The following NREP variants were observed in gnomAD, a reference collection of about 807,000 sequenced individuals.
NREP encodes neuronal regeneration related protein.
In NREP, 5 loss-of-function variants were observed where a neutral mutation model predicts 8.6. That is an observed-to-expected ratio of 0.58 (90% CI 0.30 to 1.22). NREP has a LOEUF of 1.22. Among genes scored for constraint, NREP ranks in the 50% most tolerant of loss-of-function variants. The pLI is 0.07. For synonymous variants in NREP, 27 were observed against 28.0 expected (o/e 0.96, Z 0.11); for missense variants, 86 against 82.5 (o/e 1.04, Z -0.17).
chr5:111,976,598 A>G, intron 1 of NREP: 2 of 801,146 alleles, frequency 2.5e-6, no homozygotes, highest in South Asian at 3.6e-5. Context: ...AAGCAAAATG[A>G]ACAAGGTTAA....
intron 2 of NREP, among the ~76,000 whole-genome samples, chr5:111,906,955 G>T (rs191974501): frequency 6.6e-6 from 1 of 151,916 alleles, no homozygotes; most frequent in Admixed American, 6.6e-5. Context: ...TTCTTATAGA[G>T]ACAGAGTTTC....
chr5:111,740,655 A>G (rs918810187), intron 2 of NREP, among the ~76,000 whole-genome samples: 14 of 152,196 alleles, frequency 9.2e-5, no homozygotes, highest in African/African-American at 3.4e-4. Flanking sequence ...CAGTCCCCCA[A>G]GGTCCTAAAA....
chr5:111,954,247 C>G (rs1426689960), intron 2 of NREP, among the ~76,000 whole-genome samples: 1 of 151,974 alleles, frequency 6.6e-6, no homozygotes, highest in Non-Finnish European at 1.5e-5. Flanking sequence ...ATTTTATGCC[C>G]ATATCCAGAG....
chr5:111,808,513 C>T (rs1019755573), intron 2 of NREP, among the ~76,000 whole-genome samples: 5 of 152,166 alleles, frequency 3.3e-5, no homozygotes, highest in African/African-American at 1.2e-4. Context: ...CAATCCTAAC[C>T]TTTCTTTCAA....
At chr5:111,742,077 G>C (rs2112816874) in intron 2 of NREP, among the ~76,000 whole-genome samples, 1 of 152,248 alleles carries the variant, frequency 6.6e-6, no homozygotes, top group Middle Eastern at 3.4e-3. Context: ...GGAAGACAAT[G>C]ATGGCTCACT....
At chr5:111,925,890 A>G (rs1561350086) in intron 2 of NREP, among the ~76,000 whole-genome samples, 1 of 152,200 alleles carries the variant, frequency 6.6e-6, no homozygotes, top group Non-Finnish European at 1.5e-5. Context: ...TGGTTGTTCT[A>G]TAATTTCCTC....
chr5:111,938,854 T>C (rs1376982579), intron 2 of NREP, among the ~76,000 whole-genome samples: 3 of 152,000 alleles, frequency 2.0e-5, no homozygotes, highest in African/African-American at 4.8e-5. Context: ...TCAAAACCTT[T>C]TGACAAGCAA....
chr5:111,813,753 T>C (rs928585757), intron 2 of NREP, among the ~76,000 whole-genome samples: 4 of 152,080 alleles, frequency 2.6e-5, no homozygotes, highest in Admixed American at 2.6e-4. Context: ...TAAATTGCTG[T>C]AGAGTTTTGT....
At chr5:111,741,375 C>T (rs1164236330) in intron 2 of NREP, among the ~76,000 whole-genome samples, 1 of 152,168 alleles carries the variant, frequency 6.6e-6, no homozygotes, top group Non-Finnish European at 1.5e-5. Context: ...CATATACATA[C>T]ACTTCCTTTC....
upstream of NREP, among the ~76,000 whole-genome samples, chr5:111,759,090 A>G (rs1750895123): frequency 6.6e-6 from 1 of 152,206 alleles, no homozygotes; most frequent in Admixed American, 6.5e-5. Flanking sequence ...GAAGTACTGG[A>G]AGGAAGGTGT....
At chr5:111,856,122 A>T (rs1753421780) in intron 2 of NREP, among the ~76,000 whole-genome samples, 3 of 152,128 alleles carry the variant, frequency 2.0e-5, no homozygotes, top group Non-Finnish European at 2.9e-5. Context: ...ATGGTGGGGG[A>T]TCTGGGAGGT....
At chr5:111,865,636 T>C (rs961103799) in intron 2 of NREP, among the ~76,000 whole-genome samples, 4 of 152,178 alleles carry the variant, frequency 2.6e-5, no homozygotes, top group African/African-American at 9.6e-5. Flanking sequence ...TAAATAGTTA[T>C]GACTTAGCCT....
chr5:111,921,795 G>A (rs1229540777), intron 2 of NREP, among the ~76,000 whole-genome samples: 1 of 152,128 alleles, frequency 6.6e-6, no homozygotes, highest in Non-Finnish European at 1.5e-5. Flanking sequence ...GGACCCGGAG[G>A]GAGGTAGGTA....
At chr5:111,766,501 A>G (rs1451941959) in intron 2 of NREP, among the ~76,000 whole-genome samples, 5 of 152,222 alleles carry the variant, frequency 3.3e-5, no homozygotes, top group African/African-American at 1.2e-4. Flanking sequence ...TTATGGTTAG[A>G]GAACCAAGAA....
chr5:111,929,131 T>C (rs774601937), intron 2 of NREP, among the ~76,000 whole-genome samples: 1 of 152,184 alleles, frequency 6.6e-6, no homozygotes, highest in Non-Finnish European at 1.5e-5. Context: ...ATGGTACTAA[T>C]AGTTTAGATT....
At chr5:111,860,318 T>G (rs945608618) in intron 2 of NREP, among the ~76,000 whole-genome samples, 3 of 152,168 alleles carry the variant, frequency 2.0e-5, no homozygotes, top group African/African-American at 7.2e-5. Context: ...GAGCCAACAT[T>G]TCAGCAAGAT....
At chr5:111,826,113 C>T (rs984524348) in intron 2 of NREP, among the ~76,000 whole-genome samples, 1 of 152,090 alleles carries the variant, frequency 6.6e-6, no homozygotes, top group African/African-American at 2.4e-5. Context: ...TTCTGGGTCA[C>T]GTGGGGACTT....
At chr5:111,854,357 A>G (rs1293415023) in intron 2 of NREP, among the ~76,000 whole-genome samples, 1 of 152,144 alleles carries the variant, frequency 6.6e-6, no homozygotes, top group African/African-American at 2.4e-5. Context: ...GTCAGGGAGC[A>G]CTTTGTAGGG....
intron 2 of NREP, among the ~76,000 whole-genome samples, chr5:111,846,841 A>G (rs570015718): frequency 6.6e-6 from 1 of 152,306 alleles, no homozygotes; most frequent in African/African-American, 2.4e-5. Flanking sequence ...CACATTTAAT[A>G]GCTATTTGTA....
Sources: gnomAD v4.1 joint callset for allele counts (sites outside exome capture counted in the v4.1 genomes callset) on GRCh38, gnomAD v4.1.1 for gene constraint, MANE v1.5 for transcripts, NCBI Gene and HGNC (gene_info 2026-07-23, HGNC 2026-07-21) for gene names.